Variants in IPCEF1 observed in about 807,000 individuals in gnomAD.
IPCEF1 encodes interaction protein for cytohesin exchange factors 1.
Under a neutral mutation model 50.9 loss-of-function variants are expected in IPCEF1, and 31 were observed. The observed-to-expected ratio is 0.61, with a 90% CI of 0.46 to 0.82. The LOEUF (loss-of-function observed/expected upper bound fraction) is 0.82, where lower values mean the gene tolerates loss of function less well. Ranked by LOEUF, IPCEF1 falls within the 40% of genes least tolerant of loss-of-function variation. The pLI is 0.00. For synonymous variants in IPCEF1, 181 were observed against 192.0 expected (o/e 0.94, Z 0.47); for missense variants, 458 against 514.0 (o/e 0.89, Z 1.05).
chr6:154,167,177 G>A (rs1392382588), intron 11 of IPCEF1, among the ~76,000 whole-genome samples: 35 of 152,152 alleles, frequency 2.3e-4, no homozygotes, highest in Non-Finnish European at 1.5e-5. Flanking sequence ...CAGATAAATC[G>A]TCTGCTAAAT....
intron 1 of IPCEF1, among the ~76,000 whole-genome samples, chr6:154,342,606 G>T (rs1366001937): frequency 1.3e-5 from 2 of 151,974 alleles, no homozygotes; most frequent in African/African-American, 2.4e-5. Context: ...AATTTTTGTA[G>T]AAACAGTGGC....
chr6:154,194,755 T>A (rs970815640), intron 10 of IPCEF1, among the ~76,000 whole-genome samples: 8 of 152,034 alleles, frequency 5.3e-5, no homozygotes, highest in Admixed American at 5.2e-4. Context: ...AATCTGCAGG[T>A]AACCTAATCA....
chr6:154,188,911 G>T (rs1020168000), intron 10 of IPCEF1, among the ~76,000 whole-genome samples: 3 of 151,962 alleles, frequency 2.0e-5, no homozygotes, highest in African/African-American at 7.2e-5. Context: ...TAAGATACCA[G>T]TGTAGGGAGA....
intron 10 of IPCEF1, among the ~76,000 whole-genome samples, chr6:154,188,273 T>C (rs1244324991): frequency 6.6e-6 from 1 of 152,182 alleles, no homozygotes; most frequent in Non-Finnish European, 1.5e-5. Context: ...CTATGAAATA[T>C]ATAGAACTAA....
In IPCEF1 at chr6:154,227,070, C is replaced by T. The variant is rs140261160; in HGVS notation, c.247-3827G>A. Among the ~76,000 whole-genome samples the T allele has an allele frequency of 6.9e-3, 1,043 of 152,026 alleles. 11 individuals are homozygous for T. The highest frequency in any genetic ancestry group is 0.024 in the Middle Eastern group (7 of 292). On this transcript the variant is annotated intron_variant, in intron 5 of 11. Coordinates refer to ENST00000367220, the MANE Select transcript of IPCEF1 (RefSeq NM_001130700.2). The stretch of plus-strand genomic sequence containing the variant: ...AAAATTAGCCAGGTGTGGTGGCGGA[C>T]GCCTGTAATCCCAGCTACTTGGGAG...
At chr6:154,183,451 A>G (rs1212343626) in intron 10 of IPCEF1, among the ~76,000 whole-genome samples, 1 of 152,252 alleles carries the variant, frequency 6.6e-6, no homozygotes, top group Non-Finnish European at 1.5e-5. Flanking sequence ...ATTTGAGAAC[A>G]TTTTGACCAA....
intron 1 of IPCEF1, among the ~76,000 whole-genome samples, chr6:154,325,424 G>A (rs1440427569): frequency 6.6e-6 from 1 of 152,190 alleles, no homozygotes; most frequent in Admixed American, 6.5e-5. Context: ...AAGAGTGGGA[G>A]CCCAAAGTCT....
At position 154,167,998 on chromosome 6, in the gene IPCEF1, T is replaced by C; in HGVS notation, c.1026A>G (p.Lys342=). 8.1e-6 allele frequency: 13 copies of C among 1,611,742 alleles called. No homozygotes were observed. Among genetic ancestry groups the C allele is most frequent in the Non-Finnish European group, 1.1e-5 (13 of 1,178,132 alleles). ...GATTTTTACACCGCTTAACAAAGGA[T>C]TTTCTCAACTCCTTTTTAGTCGAAG... ...RRPSTKKELR[K]SFVKRCKNPS... Residue 342 remains lysine (K), a synonymous_variant, in exon 11 of 12, where the codon AAA becomes AAG. Transcript: ENST00000367220.
intron 7 of IPCEF1, 176 bp from the exon 8 acceptor site, chr6:154,214,452 C>G (rs750063961): frequency 1.6e-6 from 1 of 628,622 alleles, no homozygotes; most frequent in South Asian, 1.9e-5. Flanking sequence ...ACAATACTTT[C>G]CATACTCAAG....
intron 1 of IPCEF1, among the ~76,000 whole-genome samples, chr6:154,337,625 G>C (rs1046232583): frequency 1.3e-5 from 2 of 152,182 alleles, no homozygotes; most frequent in Non-Finnish European, 2.9e-5. Flanking sequence ...AACGAGGAAA[G>C]AGATTTGGCC....
chr6:154,234,845 T>A (rs9384194), intron 5 of IPCEF1, among the ~76,000 whole-genome samples: 1 of 152,226 alleles, frequency 6.6e-6, no homozygotes, highest in African/African-American at 2.4e-5. Context: ...AATGTAATTT[T>A]AAAAAATGAT....
chr6:154,355,805 C>A (rs1241860083), intron 1 of IPCEF1, among the ~76,000 whole-genome samples: 4 of 151,394 alleles, frequency 2.6e-5, no homozygotes, highest in African/African-American at 7.3e-5. Context: ...TTTCTATTTT[C>A]TTTTCTTTCT....
chr6:154,248,470 G>A (rs1169024354), intron 3 of IPCEF1, among the ~76,000 whole-genome samples: 17 of 152,072 alleles, frequency 1.1e-4, no homozygotes, highest in Non-Finnish European at 4.4e-5. Flanking sequence ...GGGAAAAAAC[G>A]TGTGAAAATG....
intron 10 of IPCEF1, among the ~76,000 whole-genome samples, chr6:154,172,082 T>C (rs1799918353): frequency 6.6e-6 from 1 of 152,208 alleles, no homozygotes; most frequent in African/African-American, 2.4e-5. Context: ...AGAAAACAAC[T>C]TACCAATTGA....
chr6:154,219,065 A>G (rs1778638777), intron 7 of IPCEF1: 1 of 152,222 alleles, frequency 6.6e-6, no homozygotes, highest in African/African-American at 2.4e-5. Flanking sequence ...GGTTTCTGCA[A>G]AGGGAGAACA....
chr6:154,319,046 A>G (rs1391070177), intron 1 of IPCEF1, among the ~76,000 whole-genome samples: 1 of 152,196 alleles, frequency 6.6e-6, no homozygotes, highest in African/African-American at 2.4e-5. Context: ...GATAACTAAT[A>G]TCTTAGATTT....
intron 1 of IPCEF1, among the ~76,000 whole-genome samples, chr6:154,305,612 G>T (rs1782912134): frequency 6.6e-6 from 1 of 152,182 alleles, no homozygotes; most frequent in South Asian, 2.1e-4. Flanking sequence ...AACTGGATTG[G>T]ATTGAAGGAT....
At chr6:154,281,184 C>CA (rs35597942) in intron 2 of IPCEF1, among the ~76,000 whole-genome samples, 11,479 of 59,118 alleles carry the variant, frequency 0.19, 1,031 homozygotes, top group East Asian at 0.56. Flanking sequence ...TACTAAAATA[C>CA]AAAAAAAAAA....
chr6:154,214,190 A>T (rs370223002), intron 8 of IPCEF1, 28 bp downstream of exon 8: 17 of 1,483,026 alleles, frequency 1.1e-5, no homozygotes, highest in Non-Finnish European at 1.5e-5. Context: ...TTCTTGCTAA[A>T]TTTTCAGAAA....
Sources: allele counts gnomAD v4.1 joint callset (sites outside exome capture counted in the v4.1 genomes callset), GRCh38; gene constraint gnomAD v4.1.1; transcripts MANE v1.5; gene names NCBI Gene and HGNC (gene_info 2026-07-23, HGNC 2026-07-21).